Variants in NR3C1 observed in about 807,000 individuals in gnomAD.
NR3C1 encodes glucocorticoid receptor.
In NR3C1, 14 loss-of-function variants were observed where a neutral mutation model predicts 74.0. The observed-to-expected ratio is 0.19, with a 90% CI of 0.12 to 0.30. NR3C1 has a LOEUF of 0.30. Among genes scored for constraint, NR3C1 ranks in the 10% least tolerant of loss-of-function variants. The pLI is 1.00. For missense variants in NR3C1, 695 were observed against 909.8 expected, an observed-to-expected ratio of 0.76 and a Z score of 3.04; for synonymous variants, 308 against 332.5, an observed-to-expected ratio of 0.93 and a Z score of 0.80.
Position 143,366,528 on chromosome 5 carries a change from T to C in NR3C1, c.1184+33128A>G, listed in dbSNP as rs147064089. On this transcript the variant is annotated intron_variant, in intron 2 of 8. Transcript: ENST00000394464. ...TCTGCCTCAAAAAAAAAAAAAAAGC[T>C]GTTCCCCTGAAAACGGACAAAACTT... Among the ~76,000 whole-genome samples, 79 of 146,264 alleles carry C rather than the reference T, an allele frequency of 5.4e-4. 2 individuals carry two copies. The East Asian group carries it at 0.014, about 26-fold the overall frequency.
chr5:143,303,429 A>G (rs1818919436), intron 4 of NR3C1, among the ~76,000 whole-genome samples: 1 of 152,026 alleles, frequency 6.6e-6, no homozygotes, highest in Non-Finnish European at 1.5e-5. Flanking sequence ...AATTGAATCA[A>G]TAATAAAAAA....
chr5:143,347,355 T>A (rs1206555314), intron 2 of NR3C1, among the ~76,000 whole-genome samples: 1 of 151,834 alleles, frequency 6.6e-6, no homozygotes, highest in Non-Finnish European at 1.5e-5. Flanking sequence ...CACACACGAA[T>A]AAAAAGAAAA....
chr5:143,424,170 AC>A (rs1263958494), intron 1 of NR3C1, among the ~76,000 whole-genome samples: 6 of 152,002 alleles, frequency 3.9e-5, no homozygotes, highest in Admixed American at 3.9e-4. Flanking sequence ...TATGTAACTA[AC>A]CTGCACATTG....
chr5:143,420,970 T>G (rs144905800), intron 1 of NR3C1, among the ~76,000 whole-genome samples: 2 of 152,250 alleles, frequency 1.3e-5, no homozygotes, highest in African/African-American at 4.8e-5. Flanking sequence ...TGGAAATTAT[T>G]TTATTTTATC....
At chr5:143,369,368 A>G (rs946899343) in intron 2 of NR3C1, among the ~76,000 whole-genome samples, 1 of 152,238 alleles carries the variant, frequency 6.6e-6, no homozygotes, top group Non-Finnish European at 1.5e-5. Flanking sequence ...AAATAAAGAT[A>G]TATGTCTACA....
intron 1 of NR3C1, among the ~76,000 whole-genome samples, chr5:143,427,588 A>C (rs1036237930): frequency 6.6e-5 from 10 of 152,154 alleles, no homozygotes; most frequent in African/African-American, 2.4e-4. Context: ...ACAAACATGG[A>C]GGACCTGCTA....
intron 4 of NR3C1, among the ~76,000 whole-genome samples, chr5:143,301,382 C>T (rs189033148): frequency 5.3e-5 from 8 of 152,172 alleles, no homozygotes; most frequent in Non-Finnish European, 2.9e-5. Flanking sequence ...AACATAAATA[C>T]TGCGTGGGAC....
chr5:143,308,566 T>C lies in NR3C1; in HGVS notation c.1468+1531A>G, dbSNP rs1227952187. ...CTGGAGGACTGCCATATTCACTTAA[T>C]TGGTCTCTCCATGTAAGATTAGTCT... On this transcript the variant is annotated intron_variant, in intron 4 of 8. Coordinates refer to ENST00000394464, the MANE Select transcript of NR3C1 (RefSeq NM_000176.3). Among the ~76,000 whole-genome samples the C allele has an allele frequency of 2.6e-5, 4 of 152,340 alleles. No individual in the cohort carries two copies. In the East Asian group the frequency reaches 7.7e-4, roughly 29 times the overall value.
intron 6 of NR3C1, among the ~76,000 whole-genome samples, chr5:143,297,071 G>A (rs1320500765): frequency 2.8e-5 from 3 of 108,180 alleles, no homozygotes; most frequent in African/African-American, 3.8e-5. Context: ...AGTAAGACTC[G>A]TCTCAAAAAA....
upstream of NR3C1, chr5:143,407,344 C>T (rs1841148498): frequency 6.6e-6 from 1 of 152,222 alleles, no homozygotes; most frequent in African/African-American, 2.4e-5. Context: ...TCAAGATCCT[C>T]ATTTTTATTG....
At chr5:143,385,747 A>G (rs1243864379) in intron 2 of NR3C1, among the ~76,000 whole-genome samples, 1 of 152,222 alleles carries the variant, frequency 6.6e-6, no homozygotes, top group Admixed American at 6.5e-5. Context: ...TATAACTATC[A>G]GCATTTTGGT....
At position 143,279,291 on chromosome 5, in the gene NR3C1, C is replaced by T; in HGVS notation, c.*2598G>A. 4.0e-6 allele frequency: 6 copies of T among 1,509,664 alleles called. No homozygotes were observed. The highest frequency in any genetic ancestry group is 5.3e-6 in the Non-Finnish European group (6 of 1,125,232). The allele number at this position is 1,509,664 out of a possible 1,614,324, so 93.5% of individuals were successfully genotyped here. On this transcript the variant is annotated 3_prime_UTR_variant, in exon 9 of 9. Coordinates refer to ENST00000394464, the MANE Select transcript of NR3C1 (RefSeq NM_000176.3). ...TGAGCATCAGTTGACTTATTATTGA[C>T]AACGAAGTGCACATAATCTTCTTTT... is the stretch of plus-strand genomic sequence containing the variant.
At position 143,400,604 on chromosome 5, in the gene NR3C1, G is replaced by A. The variant is rs1840086854; in HGVS notation, c.236C>T (p.Ser79Phe). 2.5e-6 allele frequency: 4 copies of A among 1,614,210 alleles called. No homozygotes were observed. Among genetic ancestry groups the A allele is most frequent in the Non-Finnish European group, 2.5e-6 (3 of 1,180,044 alleles). Residue 79 changes from serine (S) to phenylalanine (F), a missense_variant, in exon 2 of 9, where the codon TCC becomes TTC. Ser to Phe is a radical substitution (Grantham distance 155). Coordinates refer to ENST00000394464, the MANE Select transcript of NR3C1 (RefSeq NM_000176.3). ...TCCCATTGAGAGTGAAACTGCTTTGGACAGATCTGGCTGCTGCGCATTGCT... is the reference window on the plus strand; with the variant it reads ...TCCCATTGAGAGTGAAACTGCTTTGAACAGATCTGGCTGCTGCGCATTGCT... ...SVSNAQQPDL[S>F]KAVSLSMGLY...
At chr5:143,323,049 A>G (rs1303000056) in intron 2 of NR3C1, among the ~76,000 whole-genome samples, 2 of 152,242 alleles carry the variant, frequency 1.3e-5, no homozygotes, top group East Asian at 3.8e-4. Flanking sequence ...GTTTGAAAAC[A>G]TTAAGTGGAA....
intron 2 of NR3C1, among the ~76,000 whole-genome samples, chr5:143,371,753 T>C (rs1374868532): frequency 6.6e-6 from 1 of 152,250 alleles, no homozygotes; most frequent in Non-Finnish European, 1.5e-5. Context: ...GGATCACAAA[T>C]GTGAACGTTC....
chr5:143,344,113 G>T (rs1828766168), intron 2 of NR3C1, among the ~76,000 whole-genome samples: 1 of 151,900 alleles, frequency 6.6e-6, no homozygotes. Context: ...ATAGTGCTTA[G>T]AATTTAAACA....
chr5:143,356,470 C>T (rs1204639525), intron 2 of NR3C1, among the ~76,000 whole-genome samples: 1 of 151,952 alleles, frequency 6.6e-6, no homozygotes, highest in Admixed American at 6.5e-5. Context: ...ACTTAATTCC[C>T]AAGCCCAAAT....
At chr5:143,332,873 C>G in intron 2 of NR3C1, 1 of 1,478,884 alleles carries the variant, frequency 6.8e-7, no homozygotes, top group Non-Finnish European at 9.3e-7. Flanking sequence ...AAGTTACCCC[C>G]TAGAATCTAA....
At chr5:143,292,278 G>A (rs1816110120) in intron 7 of NR3C1, among the ~76,000 whole-genome samples, 1 of 152,000 alleles carries the variant, frequency 6.6e-6, no homozygotes, top group East Asian at 1.9e-4. Flanking sequence ...ATTTTATCCT[G>A]GAGCCCTGTT....
Sources: gnomAD v4.1 joint callset for allele counts (sites outside exome capture counted in the v4.1 genomes callset) on GRCh38, gnomAD v4.1.1 for gene constraint, MANE v1.5 for transcripts, NCBI Gene and HGNC (gene_info 2026-07-23, HGNC 2026-07-21) for gene names.